The following COL14A1 variants were observed in gnomAD, a reference collection of about 807,000 sequenced individuals.
The protein encoded by COL14A1 is collagen alpha-1(XIV) chain.
A neutral mutation model predicts 230.3 loss-of-function variants in COL14A1; 136 were observed. The observed-to-expected ratio is 0.59, with a 90% CI of 0.51 to 0.68. The LOEUF is 0.68. Among genes scored for constraint, COL14A1 ranks in the 30% least tolerant of loss-of-function variants. COL14A1 has a pLI of 0.00. For synonymous variants in COL14A1, 792 were observed against 784.1 expected (o/e 1.01, Z -0.17); for missense variants, 1,976 against 2,215.8 (o/e 0.89, Z 2.17).
intron 23 of COL14A1, among the ~76,000 whole-genome samples, chr8:120,261,449 A>G (rs1010864935): frequency 2.0e-5 from 3 of 152,220 alleles, no homozygotes; most frequent in Non-Finnish European, 4.4e-5. Flanking sequence ...TGCTGTTGTT[A>G]TAATTAAATA....
intron 21 of COL14A1, 84 bp downstream of exon 21, chr8:120,247,819 C>T (rs1160598681): frequency 1.4e-6 from 2 of 1,472,780 alleles, no homozygotes; most frequent in African/African-American, 2.8e-5. Context: ...CTTATAACAC[C>T]TTATGTTTGG....
At chr8:120,191,709 C>T (rs2130685825) in intron 5 of COL14A1, among the ~76,000 whole-genome samples, 1 of 149,954 alleles carries the variant, frequency 6.7e-6, no homozygotes, top group South Asian at 2.1e-4. Context: ...TCAGGACTTG[C>T]TTTATGAATC....
At chr8:120,238,013 A>G (rs1252592800) in intron 19 of COL14A1, among the ~76,000 whole-genome samples, 1 of 152,116 alleles carries the variant, frequency 6.6e-6, no homozygotes, top group Non-Finnish European at 1.5e-5. Flanking sequence ...CACCTGCCAG[A>G]TGCCAGCTGG....
intron 42 of COL14A1, among the ~76,000 whole-genome samples, chr8:120,335,660 A>G (rs1232463114): frequency 6.6e-6 from 1 of 152,332 alleles, no homozygotes; most frequent in East Asian, 1.9e-4. Flanking sequence ...GAAAATAGCA[A>G]CATGTTTCCT....
chr8:120,140,671 G>A (rs1001110031), intron 1 of COL14A1, among the ~76,000 whole-genome samples: 2 of 152,124 alleles, frequency 1.3e-5, no homozygotes, highest in South Asian at 2.1e-4. Flanking sequence ...TGTGGTTTAC[G>A]AAAACGTTAG....
In COL14A1 at chr8:120,292,743, G is replaced by A. The variant is rs574861390; in HGVS notation, c.4236+2977G>A. On this transcript the variant is annotated intron_variant, in intron 34 of 47. Coordinates refer to ENST00000297848, the MANE Select transcript of COL14A1 (RefSeq NM_021110.4). ...ATATAAGAGAGATTAGTAACTTATA[G>A]GTCTCCATTCCCTGCCAAATCCAAC... Among the ~76,000 whole-genome samples the A allele has an allele frequency of 2.0e-5, 3 of 152,142 alleles. No individual in the cohort carries two copies. In the South Asian group the frequency reaches 6.2e-4, roughly 32 times the overall value.
intron 9 of COL14A1, among the ~76,000 whole-genome samples, chr8:120,206,243 G>T (rs939565074): frequency 2.6e-5 from 4 of 152,194 alleles, no homozygotes; most frequent in Admixed American, 6.5e-5. Flanking sequence ...CATATATGAA[G>T]TGTGAACAGT....
chr8:120,360,910 T>C (rs886711086), intron 45 of COL14A1, among the ~76,000 whole-genome samples: 1 of 152,110 alleles, frequency 6.6e-6, no homozygotes, highest in Non-Finnish European at 1.5e-5. Flanking sequence ...TTGAGGAAGA[T>C]TGGAGGGTAC....
chr8:120,226,568 G>A (rs1320728195), intron 15 of COL14A1, 59 bp from the exon 16 acceptor site: 1 of 1,587,338 alleles, frequency 6.3e-7, no homozygotes, highest in African/African-American at 1.3e-5. Context: ...GGAGATACTT[G>A]GGTTTTGGCT....
At chr8:120,173,864 A>G (rs1267832075) in intron 5 of COL14A1, among the ~76,000 whole-genome samples, 1 of 151,186 alleles carries the variant, frequency 6.6e-6, no homozygotes, top group African/African-American at 2.4e-5. Flanking sequence ...TAGAACTGCT[A>G]ATCTGTGCAT....
At chr8:120,337,422 A>G (rs957271111) in intron 42 of COL14A1, among the ~76,000 whole-genome samples, 3 of 151,632 alleles carry the variant, frequency 2.0e-5, no homozygotes, top group Non-Finnish European at 4.4e-5. Flanking sequence ...AAAAAAAGAA[A>G]AAAGAAAAAA....
chr8:120,279,373 G>A lies in COL14A1; in HGVS notation c.3482-562G>A, dbSNP rs570927357. On this transcript the variant is annotated intron_variant, in intron 28 of 47. Transcript: ENST00000297848. ...ATATATATATATATGGACCAGGGAA[G>A]GAACCTTATTACAGAAATTCCTCAG... Among the ~76,000 whole-genome samples the A allele has an allele frequency of 3.1e-3, 471 of 150,912 alleles. 1 individual carries two copies. The highest frequency in any genetic ancestry group is 0.01 in the African/African-American group (431 of 41,078).
intron 1 of COL14A1, among the ~76,000 whole-genome samples, chr8:120,140,956 T>C (rs1057372659): frequency 6.6e-6 from 1 of 152,206 alleles, no homozygotes; most frequent in African/African-American, 2.4e-5. Context: ...GCTTATACCT[T>C]CCGAATAGAG....
At chr8:120,151,049 A>G (rs1815263273) in intron 2 of COL14A1, among the ~76,000 whole-genome samples, 1 of 152,046 alleles carries the variant, frequency 6.6e-6, no homozygotes, top group African/African-American at 2.4e-5. Context: ...GTAGTGGATG[A>G]TAAGTGAAGG....
At chr8:120,250,525 G>A in intron 21 of COL14A1, 92 bp from the exon 22 acceptor site, 1 of 1,389,836 alleles carries the variant, frequency 7.2e-7, no homozygotes, top group Non-Finnish European at 1.0e-6. Context: ...CCAGGCAACT[G>A]AAAAGCAGTC....
At chr8:120,343,280 AC>A (rs1463221681) in intron 44 of COL14A1, among the ~76,000 whole-genome samples, 15 of 151,892 alleles carry the variant, frequency 9.9e-5, no homozygotes, top group Admixed American at 7.2e-4. Flanking sequence ...ATCTCTCTCA[AC>A]CCCACCCAGC....
intron 5 of COL14A1, among the ~76,000 whole-genome samples, chr8:120,184,045 GA>G (rs968734842): frequency 6.6e-5 from 10 of 152,012 alleles, no homozygotes; most frequent in African/African-American, 2.4e-4. Flanking sequence ...GAAATGGGAA[GA>G]ACATCTACCT....
At position 120,196,776 on chromosome 8, in the gene COL14A1, GT is replaced by G. The variant is rs747499046; in HGVS notation, c.437-12del. ...TGACAGTAACACATGCGCTTTTCTG[GT>G]TTGTGCTTTGCAGAAGTGAAATTTG... is the stretch of plus-strand genomic sequence containing the variant. On this transcript the variant is annotated splice_polypyrimidine_tract_variant and intron_variant, in intron 5 of 47. Coordinates refer to ENST00000297848, the MANE Select transcript of COL14A1 (RefSeq NM_021110.4). The G allele has an allele frequency of 5.2e-4, 840 of 1,612,148 alleles. 1 individual carries two copies. The highest frequency in any genetic ancestry group is 8.4e-4 in the Admixed American group (50 of 59,780).
At chr8:120,183,499 T>G (rs1393201991) in intron 5 of COL14A1, among the ~76,000 whole-genome samples, 1 of 152,166 alleles carries the variant, frequency 6.6e-6, no homozygotes. Flanking sequence ...ATCTGTCACT[T>G]TACACACTCC....
Sources: allele counts gnomAD v4.1 joint callset (sites outside exome capture counted in the v4.1 genomes callset), GRCh38; gene constraint gnomAD v4.1.1; transcripts MANE v1.5; gene names NCBI Gene and HGNC (gene_info 2026-07-23, HGNC 2026-07-21).